Variants in ALOX5AP observed in about 807,000 individuals in gnomAD.
ALOX5AP encodes arachidonate 5-lipoxygenase-activating protein.
Under a neutral mutation model 18.5 loss-of-function variants are expected in ALOX5AP, and 9 were observed. The observed-to-expected ratio is 0.49, with a 90% CI of 0.29 to 0.85. The LOEUF is 0.85. Ranked by LOEUF, ALOX5AP falls within the 40% of genes least tolerant of loss-of-function variation. The pLI is 0.08. For synonymous variants in ALOX5AP, 81 were observed against 78.6 expected (o/e 1.03, Z -0.16); for missense variants, 172 against 202.5 (o/e 0.85, Z 0.91).
upstream of ALOX5AP, among the ~76,000 whole-genome samples, chr13:30,732,133 C>T (rs575961716): frequency 3.5e-4 from 53 of 152,368 alleles, no homozygotes; most frequent in African/African-American, 1.2e-3. Context: ...GTGCTCTGCG[C>T]GCTGGCTGGG....
intron 4 of ALOX5AP, among the ~76,000 whole-genome samples, chr13:30,763,553 G>A (rs182519338): frequency 1.3e-5 from 2 of 152,302 alleles, no homozygotes; most frequent in East Asian, 3.9e-4. Context: ...ACACGTGTCT[G>A]TCGTTATGGG....
In ALOX5AP at chr13:30,741,556, AC is replaced by A. The variant is rs71209437; in HGVS notation, c.71-2498del. 4.2e-4 allele frequency among the ~76,000 whole-genome samples: 10 copies of A among 24,038 alleles called. No homozygotes were observed. The South Asian group carries it at 0.019, about 45-fold the overall frequency. 15.8% of individuals were successfully genotyped at this position (24,038 alleles called of 152,430 possible). Reference sequence around the variant, plus strand: ...GGATTACAGGCCCCTCCCCACCCCCACCCCCCAACAACTGGCTAATTTTTGT... The same window carrying A: ...GGATTACAGGCCCCTCCCCACCCCCACCCCCAACAACTGGCTAATTTTTGT... On this transcript the variant is annotated intron_variant, in intron 1 of 4. Transcript: ENST00000380490.
At chr13:30,745,312 C>T (rs1022130955) in intron 2 of ALOX5AP, among the ~76,000 whole-genome samples, 6 of 152,192 alleles carry the variant, frequency 3.9e-5, no homozygotes, top group Non-Finnish European at 8.8e-5. Context: ...CTGCTTTGCT[C>T]CCTCAGCTCC....
intron 1 of ALOX5AP, among the ~76,000 whole-genome samples, chr13:30,730,351 G>T (rs1176901879): frequency 1.3e-5 from 2 of 152,194 alleles, no homozygotes; most frequent in Non-Finnish European, 2.9e-5. Context: ...GGTTGATTTG[G>T]TTCTCACAGA....
upstream of ALOX5AP, among the ~76,000 whole-genome samples, chr13:30,730,826 CT>C (rs561279415): frequency 3.6e-3 from 541 of 152,174 alleles, 2 homozygotes; most frequent in African/African-American, 0.012. Context: ...TGTTGCCCCC[CT>C]GAGTCACTGC....
intron 1 of ALOX5AP, among the ~76,000 whole-genome samples, chr13:30,719,342 G>A (rs1593425236): frequency 6.6e-6 from 1 of 152,230 alleles, no homozygotes; most frequent in South Asian, 2.1e-4. Flanking sequence ...TGCACATGGT[G>A]CACTCACAGG....
chr13:30,738,851 G>T (rs189122926), intron 1 of ALOX5AP, among the ~76,000 whole-genome samples: 287 of 152,242 alleles, frequency 1.9e-3, no homozygotes, highest in African/African-American at 6.7e-3. Context: ...AAGTTTTGGC[G>T]ACATTATGGC....
At chr13:30,762,473 C>T (rs1033995228) in intron 4 of ALOX5AP, among the ~76,000 whole-genome samples, 2 of 151,830 alleles carry the variant, frequency 1.3e-5, no homozygotes, top group Non-Finnish European at 2.9e-5. Flanking sequence ...CCTGTAATCC[C>T]AGCTACTCAG....
chr13:30,714,406 T>G (rs1367012158), intron 1 of ALOX5AP, among the ~76,000 whole-genome samples: 1 of 152,010 alleles, frequency 6.6e-6, no homozygotes, highest in Admixed American at 6.6e-5. Flanking sequence ...GAGGGAGACC[T>G]GACGGGTCGA....
At chr13:30,715,140 T>C (rs547224270) in intron 1 of ALOX5AP, among the ~76,000 whole-genome samples, 1 of 152,296 alleles carries the variant, frequency 6.6e-6, no homozygotes, top group African/African-American at 2.4e-5. Context: ...TTCCCTGGCT[T>C]TGGAGCCTGG....
chr13:30,758,478 G>T (rs754282940), intron 4 of ALOX5AP, among the ~76,000 whole-genome samples: 1 of 152,170 alleles, frequency 6.6e-6, no homozygotes, highest in Non-Finnish European at 1.5e-5. Flanking sequence ...TCCAGAAGTT[G>T]CTCCAGCCCT....
intron 1 of ALOX5AP, among the ~76,000 whole-genome samples, chr13:30,739,017 A>G (rs1256291848): frequency 6.6e-6 from 1 of 152,216 alleles, no homozygotes; most frequent in East Asian, 1.9e-4. Context: ...GACAGGCTCT[A>G]GAAGCAGAAT....
At chr13:30,742,507 T>G (rs552325754) in intron 1 of ALOX5AP, 1 of 152,224 alleles carries the variant, frequency 6.6e-6, no homozygotes. Flanking sequence ...TACTACCCAT[T>G]GCACAGAGTG....
intron 1 of ALOX5AP, among the ~76,000 whole-genome samples, chr13:30,741,216 G>A (rs370604731): frequency 7.4e-6 from 1 of 134,330 alleles, no homozygotes; most frequent in Non-Finnish European, 1.5e-5. Context: ...TCCGCCTCCC[G>A]GGTTCATGCC....
intron 1 of ALOX5AP, among the ~76,000 whole-genome samples, chr13:30,729,576 A>ATTTTTT (rs10655622): frequency 7.3e-6 from 1 of 137,634 alleles, no homozygotes; most frequent in Non-Finnish European, 1.5e-5. Flanking sequence ...TCTAACCTGT[A>ATTTTTT]TTTTTTTTTT....
At chr13:30,719,018 T>A (rs1002791860) in intron 1 of ALOX5AP, among the ~76,000 whole-genome samples, 8 of 152,250 alleles carry the variant, frequency 5.3e-5, no homozygotes, top group African/African-American at 1.9e-4. Context: ...GTTGCCATCG[T>A]GCCTGTCAGC....
intron 3 of ALOX5AP, among the ~76,000 whole-genome samples, chr13:30,753,760 C>A (rs957517570): frequency 1.3e-5 from 2 of 152,208 alleles, no homozygotes; most frequent in African/African-American, 4.8e-5. Context: ...GAGGCACTCA[C>A]CTTCCTTGCA....
upstream of ALOX5AP, among the ~76,000 whole-genome samples, chr13:30,731,234 G>C (rs761090236): frequency 2.0e-5 from 3 of 152,194 alleles, no homozygotes; most frequent in African/African-American, 4.8e-5. Flanking sequence ...TACAAATGCA[G>C]AAGGACCAGG....
At chr13:30,740,221 T>A (rs867168348) in intron 1 of ALOX5AP, among the ~76,000 whole-genome samples, 30 of 152,356 alleles carry the variant, frequency 2.0e-4, no homozygotes, top group African/African-American at 7.0e-4. Context: ...TTTTGAGAAC[T>A]ATGTGTCATT....
Sources: allele counts gnomAD v4.1 joint callset (sites outside exome capture counted in the v4.1 genomes callset), GRCh38; gene constraint gnomAD v4.1.1; transcripts MANE v1.5; gene names NCBI Gene and HGNC (gene_info 2026-07-23, HGNC 2026-07-21).